The following MDM2 variants were observed in gnomAD, a reference collection of about 807,000 sequenced individuals.
The protein encoded by MDM2 is E3 ubiquitin-protein ligase Mdm2.
Under a neutral mutation model 64.3 loss-of-function variants are expected in MDM2, and 11 were observed. That is an observed-to-expected ratio of 0.17 (90% confidence interval 0.11 to 0.28). The LOEUF (loss-of-function observed/expected upper bound fraction) is 0.28. MDM2 is among the 10% of genes least tolerant of loss of function. The probability of loss-of-function intolerance (pLI) is 1.00; values close to 1 mark genes in which losing one functional copy is unlikely to be tolerated. For synonymous variants in MDM2, 194 were observed against 192.9 expected (o/e 1.01, Z -0.05); for missense variants, 388 against 577.1 (o/e 0.67, Z 3.36).
intron 8 of MDM2, among the ~76,000 whole-genome samples, chr12:68,834,269 C>T (rs1883128831): frequency 6.6e-6 from 1 of 152,094 alleles, no homozygotes; most frequent in African/African-American, 2.4e-5. Context: ...TGACGAAACC[C>T]CGTCTCCACT....
At chr12:68,831,699 T>G (rs371337638) in intron 8 of MDM2, among the ~76,000 whole-genome samples, 1 of 152,266 alleles carries the variant, frequency 6.6e-6, no homozygotes, top group African/African-American at 2.4e-5. Flanking sequence ...TCTTAATAAC[T>G]CGTGTGGAGT....
At chr12:68,810,022 G>A (rs750222250) in intron 2 of MDM2, among the ~76,000 whole-genome samples, 6 of 152,042 alleles carry the variant, frequency 3.9e-5, no homozygotes, top group Non-Finnish European at 7.4e-5. Flanking sequence ...AGATTTTATA[G>A]AATTATAGGC....
chr12:68,844,967 T>C lies in MDM2; in HGVS notation c.*5118T>C, dbSNP rs531570096. ...ATTTCTAGCAGAGATGAAGTTTCACTATGTTGGCCAGGCTGGGCTCAAACT... is the reference window on the plus strand; with the variant it reads ...ATTTCTAGCAGAGATGAAGTTTCACCATGTTGGCCAGGCTGGGCTCAAACT... On this transcript the variant is annotated 3_prime_UTR_variant, in exon 11 of 11. Coordinates refer to ENST00000258149, the MANE Select transcript of MDM2 (RefSeq NM_002392.6). The C allele has an allele frequency of 4.1e-5, 8 of 193,474 alleles. No homozygotes were observed. Among genetic ancestry groups the C allele is most frequent in the Non-Finnish European group, 6.5e-5 (6 of 92,678 alleles). The allele number at this position is 193,474 out of a possible 1,614,324, so 12.0% of individuals were successfully genotyped here.
intron 8 of MDM2, among the ~76,000 whole-genome samples, chr12:68,830,482 C>T (rs1011004165): frequency 2.0e-5 from 3 of 152,122 alleles, no homozygotes; most frequent in Non-Finnish European, 4.4e-5. Flanking sequence ...ATACCAAATT[C>T]CATACAGTTG....
intron 7 of MDM2, 148 bp from the exon 8 acceptor site, chr12:68,828,623 G>A: frequency 1.6e-6 from 1 of 618,756 alleles, no homozygotes; most frequent in Non-Finnish European, 2.8e-6. Flanking sequence ...ATAGTGTTCT[G>A]CTGTAACAGT....
downstream of MDM2, chr12:68,846,814 TCG>T (rs1884326454): frequency 3.3e-5 from 5 of 152,062 alleles, no homozygotes; most frequent in African/African-American, 1.2e-4. Flanking sequence ...TGGTACTTAC[TCG>T]CCTAGTGACC....
At position 68,812,173 on chromosome 12, in the gene MDM2, G is replaced by A. The variant is rs3730510; in HGVS notation, c.100-1381G>A. ...AGAGAGTCCATTCTTTAGCCTGAAA[G>A]TAAAGTGCATATGTAAGCACAGTTA... is the stretch of plus-strand genomic sequence containing the variant. On this transcript the variant is annotated intron_variant, in intron 2 of 10. Transcript: ENST00000258149. 6.3e-3 allele frequency among the ~76,000 whole-genome samples: 949 copies of A among 149,978 alleles called. 6 individuals are homozygous for A. The highest frequency in any genetic ancestry group is 0.022 in the African/African-American group (891 of 40,526).
intron 5 of MDM2, 47 bp from the exon 6 acceptor site, chr12:68,824,315 CG>C: frequency 7.1e-7 from 1 of 1,411,650 alleles, no homozygotes; most frequent in Non-Finnish European, 1.0e-6. Flanking sequence ...AGCGCCCCGC[CG>C]CCCCCCGCCC....
At chr12:68,810,929 G>A (rs1343435659) in intron 2 of MDM2, among the ~76,000 whole-genome samples, 1 of 151,932 alleles carries the variant, frequency 6.6e-6, no homozygotes, top group Admixed American at 6.6e-5. Flanking sequence ...GCAATGGCGA[G>A]ATCTTGTCTC....
intron 4 of MDM2, among the ~76,000 whole-genome samples, chr12:68,818,223 A>G (rs1328073081): frequency 2.6e-5 from 4 of 152,194 alleles, no homozygotes; most frequent in Non-Finnish European, 5.9e-5. Flanking sequence ...CTAGTATTTA[A>G]TGCTCAATAG....
At chr12:68,833,761 G>T (rs1317796067) in intron 8 of MDM2, among the ~76,000 whole-genome samples, 2 of 152,122 alleles carry the variant, frequency 1.3e-5, no homozygotes, top group African/African-American at 2.4e-5. Context: ...GATGGGTGAT[G>T]GGCCACAGTT....
chr12:68,827,830 A>G (rs1007317060), intron 7 of MDM2, among the ~76,000 whole-genome samples: 1 of 152,180 alleles, frequency 6.6e-6, no homozygotes, highest in African/African-American at 2.4e-5. Flanking sequence ...ATTTCTGTTT[A>G]AAATATAGGG....
chr12:68,841,781 T>G lies in MDM2; in HGVS notation c.*1932T>G, dbSNP rs1340808338. ...TTATTTAAAAACTAACTGGAAAGAT[T>G]GTTAAGTTCTTTCTGAATTATTCAG... On this transcript the variant is annotated 3_prime_UTR_variant, in exon 11 of 11. Coordinates refer to ENST00000258149, the MANE Select transcript of MDM2 (RefSeq NM_002392.6). 2.4e-5 allele frequency: 5 copies of G among 205,034 alleles called. No homozygotes were observed. The highest frequency in any genetic ancestry group is 6.9e-5 in the African/African-American group (3 of 43,704). 12.7% of individuals were successfully genotyped at this position (205,034 alleles called of 1,614,324 possible).
intron 4 of MDM2, among the ~76,000 whole-genome samples, chr12:68,818,044 A>G (rs930876678): frequency 6.6e-6 from 1 of 152,044 alleles, no homozygotes; most frequent in Non-Finnish European, 1.5e-5. Flanking sequence ...TCCACCTGCC[A>G]TGGCCTCCCA....
At chr12:68,808,944 G>A in intron 1 of MDM2, 1 of 1,378,940 alleles carries the variant, frequency 7.3e-7, no homozygotes, top group Non-Finnish European at 9.3e-7. Flanking sequence ...GACACGTTCC[G>A]AAACTGCAGT....
chr12:68,847,676 A>C (rs912711871), downstream of MDM2: 1 of 151,098 alleles, frequency 6.6e-6, no homozygotes, highest in Non-Finnish European at 1.5e-5. Flanking sequence ...GATGGTCTCG[A>C]TCTCCTGACC....
chr12:68,843,032 G>A lies in MDM2; in HGVS notation c.*3183G>A, dbSNP rs1391033410. The A allele has an allele frequency of 4.7e-6, 1 of 214,530 alleles. No homozygotes were observed. Among genetic ancestry groups the A allele is most frequent in the Non-Finnish European group, 9.4e-6 (1 of 106,714 alleles). 13.3% of individuals were successfully genotyped at this position (214,530 alleles called of 1,614,324 possible). A position where few individuals can be genotyped will look rare whatever the true frequency, so the allele number is the denominator to read the frequency against. The stretch of plus-strand genomic sequence containing the variant: ...CCTGGTAGAACAAGCTTTATTTTTC[G>A]AGCCTAGCAATGATCTAGAAGCAGA... On this transcript the variant is annotated 3_prime_UTR_variant, in exon 11 of 11. Transcript: ENST00000258149.
intron 10 of MDM2, 62 bp downstream of exon 10, chr12:68,836,811 ATATC>A: frequency 3.1e-6 from 3 of 977,908 alleles, no homozygotes; most frequent in Non-Finnish European, 4.8e-6. Flanking sequence ...TTAGGAGACT[ATATC>A]TAGCTTCTTT....
chr12:68,834,180 C>T (rs1158722620), intron 8 of MDM2, among the ~76,000 whole-genome samples: 1 of 152,164 alleles, frequency 6.6e-6, no homozygotes, highest in Non-Finnish European at 1.5e-5. Flanking sequence ...AGGTGGCTCA[C>T]AGGTGTAATC....
Sources: allele counts gnomAD v4.1 joint callset (sites outside exome capture counted in the v4.1 genomes callset), GRCh38; gene constraint gnomAD v4.1.1; transcripts MANE v1.5; gene names NCBI Gene and HGNC (gene_info 2026-07-23, HGNC 2026-07-21).